Variants in CEP162 observed in about 807,000 individuals in gnomAD.
The protein encoded by CEP162 is centrosomal protein 162, also known as centrosomal protein of 162 kDa.
CEP162 carries 141 observed loss-of-function variants against 169.2 expected under a neutral mutation model. The observed-to-expected ratio is 0.83, with a 90% confidence interval of 0.73 to 0.96. The LOEUF is 0.96. CEP162 is among the 40% of genes least tolerant of loss of function. The pLI is 0.00. For synonymous variants in CEP162, 540 were observed against 526.4 expected, an observed-to-expected ratio of 1.03 and a Z score of -0.35; for missense variants, 1,600 against 1,587.2, an observed-to-expected ratio of 1.01 and a Z score of -0.14.
intron 15 of CEP162, among the ~76,000 whole-genome samples, 194 bp from the exon 16 acceptor site, chr6:84,174,382 C>G (rs2099531455): frequency 6.6e-6 from 1 of 152,154 alleles, no homozygotes; most frequent in South Asian, 2.1e-4. Context: ...AAGGAACTCA[C>G]AAATGCTACA....
At chr6:84,151,194 T>C (rs184638617) in intron 23 of CEP162, among the ~76,000 whole-genome samples, 1 of 152,114 alleles carries the variant, frequency 6.6e-6, no homozygotes, top group African/African-American at 2.4e-5. Flanking sequence ...TTTAAGGAAG[T>C]TGAGAGTCAC....
In CEP162 at chr6:84,194,964, A is replaced by C. The variant is rs1262692516; in HGVS notation, c.947T>G (p.Val316Gly). The C allele has an allele frequency of 1.2e-6, 2 of 1,613,480 alleles. No homozygotes were observed. Among genetic ancestry groups the C allele is most frequent in the East Asian group, 2.2e-5 (1 of 44,830 alleles). The change falls in exon 10 of 27, where the codon GTG becomes GGG. Residue 316 changes from valine (V) to glycine (G), a missense_variant. Transcript: ENST00000403245. ...TTTCACTGAGCTCTTGATATCTTCC[A>C]CTGTGTTACTCTCAATTTTTTGTTT... ...EDKQKIESNT[V>G]EDIKSSVKGH...
Position 84,152,605 on chromosome 6 carries a change from T to G in CEP162, c.3569A>C (p.Lys1190Thr), listed in dbSNP as rs2129202226. ...KNELEGLISE[K>T]NELKMKSEAV... ...TTCAGATTTCATCTTCAGTTCATTC[T>G]TCTCTGAAATTAATCCTTCTAGCTC... The change falls in exon 23 of 27, where the codon AAG becomes ACG. Residue 1190 changes from lysine (K) to threonine (T), a missense_variant. Transcript: ENST00000403245. The G allele has an allele frequency of 6.4e-7, 1 of 1,560,146 alleles. No homozygotes were observed. The highest frequency in any genetic ancestry group is 1.2e-5 in the South Asian group (1 of 83,922).
intron 13 of CEP162, among the ~76,000 whole-genome samples, chr6:84,177,623 C>T (rs1056936237): frequency 6.6e-6 from 1 of 152,170 alleles, no homozygotes; most frequent in African/African-American, 2.4e-5. Context: ...GCAACCTCCG[C>T]CTCCCAGACT....
chr6:84,201,325 A>G (rs1179472025), intron 8 of CEP162, among the ~76,000 whole-genome samples: 2 of 152,044 alleles, frequency 1.3e-5, no homozygotes, highest in Admixed American at 1.3e-4. Flanking sequence ...TGCAATGCAT[A>G]TTAAAACAAA....
chr6:84,179,368 T>C (rs1210772432), intron 13 of CEP162, among the ~76,000 whole-genome samples: 2 of 152,234 alleles, frequency 1.3e-5, no homozygotes, highest in African/African-American at 2.4e-5. Flanking sequence ...TGGTGTGAGA[T>C]GGTATCTCAC....
At chr6:84,201,820 A>T in intron 7 of CEP162, 53 bp from the exon 8 acceptor site, 1 of 899,646 alleles carries the variant, frequency 1.1e-6, no homozygotes, top group Non-Finnish European at 1.7e-6. Flanking sequence ...ATTATGTAAA[A>T]TTACCACAAT....
chr6:84,218,316 C>T (rs1466816255), intron 3 of CEP162, among the ~76,000 whole-genome samples: 2 of 152,090 alleles, frequency 1.3e-5, no homozygotes, highest in African/African-American at 2.4e-5. Flanking sequence ...AGATGGTGAG[C>T]GTAAGCCTAA....
At chr6:84,182,930 T>C (rs2099535546) in intron 13 of CEP162, among the ~76,000 whole-genome samples, 1 of 152,108 alleles carries the variant, frequency 6.6e-6, no homozygotes, top group South Asian at 2.1e-4. Flanking sequence ...ACTAATCTCA[T>C]CTCAAACTCT....
chr6:84,214,497 C>T lies in CEP162; in HGVS notation c.503+785G>A, dbSNP rs559489321. On this transcript the variant is annotated intron_variant, in intron 5 of 26. Transcript: ENST00000403245. ...TTGTCAACATCATAAAACCGGAAGG[C>T]TAGCTTGTTAGCTTGCCAAGTAGGG... is the stretch of plus-strand genomic sequence containing the variant. 6.6e-5 allele frequency among the ~76,000 whole-genome samples: 10 copies of T among 152,262 alleles called. No homozygotes were observed. In the South Asian group the frequency reaches 2.1e-3, roughly 32 times the overall value.
intron 3 of CEP162, among the ~76,000 whole-genome samples, chr6:84,220,546 G>T (rs2099553292): frequency 6.6e-6 from 1 of 152,154 alleles, no homozygotes; most frequent in African/African-American, 2.4e-5. Context: ...GATTGCTTGA[G>T]TCCAGGAGTT....
chr6:84,125,987 T>A (rs1175033481), intron 26 of CEP162, among the ~76,000 whole-genome samples: 29 of 152,196 alleles, frequency 1.9e-4, no homozygotes, highest in Admixed American at 1.6e-3. Flanking sequence ...TAATTAAGTA[T>A]AGTAATATTA....
chr6:84,134,125 G>A (rs1016685003), intron 25 of CEP162, among the ~76,000 whole-genome samples: 1 of 152,224 alleles, frequency 6.6e-6, no homozygotes, highest in African/African-American at 2.4e-5. Context: ...GCTCTGCCCA[G>A]TTCGAACTTC....
At chr6:84,132,502 T>A (rs1443050926) in intron 25 of CEP162, among the ~76,000 whole-genome samples, 1 of 152,218 alleles carries the variant, frequency 6.6e-6, no homozygotes, top group Non-Finnish European at 1.5e-5. Flanking sequence ...GATTTGGTCT[T>A]TTCACATAGT....
chr6:84,145,106 C>G (rs761415140), intron 25 of CEP162, among the ~76,000 whole-genome samples: 2 of 152,038 alleles, frequency 1.3e-5, no homozygotes, highest in Non-Finnish European at 2.9e-5. Flanking sequence ...CCAATAAAGT[C>G]CCTTGGAAAA....
chr6:84,163,027 A>C, intron 19 of CEP162, 117 bp downstream of exon 19: 1 of 984,346 alleles, frequency 1.0e-6, no homozygotes. Context: ...TGTTTCTAAA[A>C]TTACAATATA....
chr6:84,188,306 G>A (rs1329862834), intron 11 of CEP162, among the ~76,000 whole-genome samples: 2 of 151,926 alleles, frequency 1.3e-5, no homozygotes, highest in African/African-American at 4.8e-5. Flanking sequence ...TTGTTCACGG[G>A]GATTTGGTGT....
At position 84,169,377 on chromosome 6, in the gene CEP162, G is replaced by C; in HGVS notation, c.2336C>G (p.Thr779Arg). Residue 779 changes from threonine (T) to arginine (R), a missense_variant, in exon 18 of 27, where the codon ACA becomes AGA. Coordinates refer to ENST00000403245, the MANE Select transcript of CEP162 (RefSeq NM_014895.4). ...LSQVVEDSEP[T>R]RNQNFTDLLA... ...CAGATCTGTAAAATTCTGATTTCTTGTGGGCTCTGAATCTTCAACTACTTG... is the reference window on the plus strand; with the variant it reads ...CAGATCTGTAAAATTCTGATTTCTTCTGGGCTCTGAATCTTCAACTACTTG... The C allele has an allele frequency of 6.3e-7, 1 of 1,583,752 alleles. No individual in the cohort carries two copies. The highest frequency in any genetic ancestry group is 1.8e-5 in the Admixed American group (1 of 56,728).
chr6:84,134,768 G>A (rs930134721), intron 25 of CEP162, among the ~76,000 whole-genome samples: 1 of 152,038 alleles, frequency 6.6e-6, no homozygotes, highest in Non-Finnish European at 1.5e-5. Flanking sequence ...ACTGAGACCT[G>A]TAGAATACAG....
Sources: allele counts gnomAD v4.1 joint callset (sites outside exome capture counted in the v4.1 genomes callset), GRCh38; gene constraint gnomAD v4.1.1; transcripts MANE v1.5; gene names NCBI Gene and HGNC (gene_info 2026-07-23, HGNC 2026-07-21).